The following KHNYN variants were observed in gnomAD, a reference collection of about 807,000 sequenced individuals.
The protein encoded by KHNYN is KH and NYN domain containing.
A neutral mutation model predicts 62.7 loss-of-function variants in KHNYN; 42 were observed. The observed-to-expected ratio is 0.67, with a 90% CI of 0.52 to 0.87. The LOEUF (loss-of-function observed/expected upper bound fraction) is 0.87. Ranked by LOEUF, KHNYN falls within the 40% of genes least tolerant of loss-of-function variation. KHNYN has a pLI of 0.00. For synonymous variants in KHNYN, 347 were observed against 345.6 expected (o/e 1.00, Z -0.04); for missense variants, 829 against 874.1 (o/e 0.95, Z 0.65).
At position 24,432,997 on chromosome 14, in the gene KHNYN, C is replaced by G. The variant is rs775174862; in HGVS notation, c.1542C>G (p.Val514=). The G allele has an allele frequency of 1.9e-6, 3 of 1,614,048 alleles. No individual in the cohort carries two copies. In the Admixed American group the frequency reaches 5.0e-5, roughly 27 times the overall value. ...LSLLSLTPSR[V]MDGKRISSYD... ...TGCTCTCCCTCACACCCTCACGAGT[C>G]ATGGATGGCAAGAGGATCTCCTCCT... The change falls in exon 5 of 8, where the codon GTC becomes GTG. Residue 514 remains valine (V), a synonymous_variant. Transcript: ENST00000553935. The surrounding 1 kb of genome is among the most constrained non-coding windows in gnomAD (Gnocchi z 5.6).
chr14:24,425,267 T>C (rs745817190), upstream of KHNYN, among the ~76,000 whole-genome samples: 17 of 152,198 alleles, frequency 1.1e-4, no homozygotes, highest in Non-Finnish European at 1.9e-4. Flanking sequence ...TTCTTCCTTG[T>C]TATAAAACTC....
chr14:24,439,004 A>AGGTGT lies in KHNYN; in HGVS notation c.*1721_*1725dup. On this transcript the variant is annotated 3_prime_UTR_variant, in exon 8 of 8. Coordinates refer to ENST00000553935, the MANE Select transcript of KHNYN (RefSeq NM_015299.3). ...TACCATACTGACCCAGGCTGGGGGCAGGTGTGTTGGAGACAGGCTGGTCAA... is the reference window on the plus strand; with the variant it reads ...TACCATACTGACCCAGGCTGGGGGCAGGTGTGGTGTGTTGGAGACAGGCTGGTCAA... 1 of 150,080 alleles carries AGGTGT rather than the reference A, an allele frequency of 6.7e-6. No homozygotes were observed. Among genetic ancestry groups the AGGTGT allele is most frequent in the East Asian group, 2.0e-4 (1 of 5,126 alleles). 9.3% of individuals were successfully genotyped at this position (150,080 alleles called of 1,614,324 possible).
chr14:24,434,225 T>G (rs2043170543), intron 5 of KHNYN: 1 of 985,470 alleles, frequency 1.0e-6, no homozygotes, highest in Non-Finnish European at 1.2e-6. Context: ...GTGTGGGACC[T>G]GGTTGGCAGA....
At chr14:24,427,562 C>T (rs2043032207), upstream of KHNYN, 66 of 422,056 alleles carry the variant, frequency 1.6e-4, no homozygotes, top group South Asian at 1.4e-3. The surrounding 1 kb of genome is among the most constrained non-coding windows in gnomAD (Gnocchi z 4.4). Context: ...ACAGATGCAG[C>T]AGGTGGCTGG....
rs761824521 is a variant in KHNYN at position 24,432,592 on chromosome 14, G to T, written c.1331G>T (p.Gly444Val). 1 of 1,606,890 alleles carries T rather than the reference G, an allele frequency of 6.2e-7. No homozygotes were observed. Residue 444 changes from glycine (G) to valine (V), a missense_variant, in exon 3 of 8, where the codon GGC becomes GTC. Physicochemically the swap from Gly to Val is moderately radical, Grantham distance 109. Around this residue, in one of 2 missense-constraint regions of KHNYN, gnomAD observed 270 missense variants for 347.1 expected, o/e 0.78. Coordinates refer to ENST00000553935, the MANE Select transcript of KHNYN (RefSeq NM_015299.3). This position sits in a 1 kb window ranked among gnomAD's most constrained non-coding sequence, Gnocchi z 5.6. ...GACCTCCGCCATATTGTCATTGACG[G>T]CAGCAACGTGGCCATGGTGTGAGTA... ...QPDLRHIVID[G>V]SNVAMVHGLQ...
At chr14:24,427,152 C>T (rs2043028102), upstream of KHNYN, 1 of 152,916 alleles carries the variant, frequency 6.5e-6, no homozygotes. This position sits in a 1 kb window ranked among gnomAD's most constrained non-coding sequence, Gnocchi z 4.4. Flanking sequence ...AGGATTGCTA[C>T]CTGCTGGCTG....
chr14:24,431,076 C>G (rs1427458914), intron 2 of KHNYN, 145 bp downstream of exon 2: 1 of 728,520 alleles, frequency 1.4e-6, no homozygotes, highest in Non-Finnish European at 2.2e-6. Context: ...AACCTCAGTG[C>G]CCCTGAGTTT....
At position 24,440,142 on chromosome 14, in the gene KHNYN, T is replaced by G. The variant is rs1165043671; in HGVS notation, c.*2857T>G. 6.2e-7 allele frequency: 1 copy of G among 1,613,306 alleles called. No homozygotes were observed. The highest frequency in any genetic ancestry group is 1.1e-5 in the South Asian group (1 of 91,004). On this transcript the variant is annotated 3_prime_UTR_variant, in exon 8 of 8. Transcript: ENST00000553935. The stretch of plus-strand genomic sequence containing the variant: ...TCTGGGAAGGAATACTGGTAGCCAG[T>G]GGCCAGTGTTCGCTGTGGGATCACC...
At chr14:24,429,607 C>T (rs2043067014), upstream of KHNYN, 1 of 958,706 alleles carries the variant, frequency 1.0e-6, no homozygotes, top group African/African-American at 1.8e-5. Flanking sequence ...CCCGCCTACC[C>T]CCTCCGCCAC....
upstream of KHNYN, among the ~76,000 whole-genome samples, chr14:24,424,889 A>T (rs1360476414): frequency 6.6e-6 from 1 of 152,242 alleles, no homozygotes; most frequent in African/African-American, 2.4e-5. Flanking sequence ...TCTGACCCAC[A>T]GAAACTGTGA....
chr14:24,425,609 G>A (rs2043012553), upstream of KHNYN, among the ~76,000 whole-genome samples: 1 of 152,162 alleles, frequency 6.6e-6, no homozygotes, highest in Non-Finnish European at 1.5e-5. Flanking sequence ...TTCTATGTGA[G>A]ACAAAAATGA....
chr14:24,433,139 G>A (rs1474953267), intron 5 of KHNYN, 107 bp downstream of exon 5: 6 of 1,029,090 alleles, frequency 5.8e-6, no homozygotes, highest in Admixed American at 5.6e-5. Flanking sequence ...AAGCCTTGGT[G>A]GTGGGTAAGG....
chr14:24,432,879 C>T lies in KHNYN; in HGVS notation c.1480+27C>T. The T allele has an allele frequency of 6.2e-7, 1 of 1,614,184 alleles. No individual in the cohort carries two copies. Among genetic ancestry groups the T allele is most frequent in the Admixed American group, 1.7e-5 (1 of 60,024 alleles). On this transcript the variant is annotated intron_variant, in intron 4 of 7. Coordinates refer to ENST00000553935, the MANE Select transcript of KHNYN (RefSeq NM_015299.3). The surrounding 1 kb of genome is among the most constrained non-coding windows in gnomAD (Gnocchi z 5.6). ...TGAGTTGGGCCTGGTCTTCAGTGTCCCAGGATAGGCTCTGTTTCCACTTTG... is the reference window on the plus strand; with the variant it reads ...TGAGTTGGGCCTGGTCTTCAGTGTCTCAGGATAGGCTCTGTTTCCACTTTG...
Position 24,440,695 on chromosome 14 carries a change from A to G in KHNYN, c.*3410A>G. On this transcript the variant is annotated 3_prime_UTR_variant, in exon 8 of 8. Transcript: ENST00000553935. Reference sequence around the variant, plus strand: ...AGTGGTGGCATCCTCTCACTCTGTAATTGTAATCTCAGCTCTCCTAATCCC... The same window carrying G: ...AGTGGTGGCATCCTCTCACTCTGTAGTTGTAATCTCAGCTCTCCTAATCCC... 1.3e-6 allele frequency: 2 copies of G among 1,514,694 alleles called. No individual in the cohort carries two copies. Among genetic ancestry groups the G allele is most frequent in the Non-Finnish European group, 1.8e-6 (2 of 1,108,676 alleles). The allele number at this position is 1,514,694 out of a possible 1,614,324, so 93.8% of individuals were successfully genotyped here.
rs764782006 is a variant in KHNYN at position 24,441,693 on chromosome 14, C to CT, written c.*4408_*4409insT. ...GCGTACCTACACCTGTGACTAAGAC[C>CT]CAGGCCTTGGGGGGTTGTGGGGCTT... On this transcript the variant is annotated 3_prime_UTR_variant, in exon 8 of 8. Transcript: ENST00000553935. 1.9e-6 allele frequency: 3 copies of CT among 1,589,804 alleles called. No individual in the cohort carries two copies. The highest frequency in any genetic ancestry group is 3.9e-5 in the Admixed American group (2 of 50,854).
the KHNYN span, among the ~76,000 whole-genome samples, chr14:24,424,069 C>T: frequency 6.6e-6 from 1 of 152,152 alleles, no homozygotes; most frequent in Non-Finnish European, 1.5e-5. Flanking sequence ...ACTAATATGT[C>T]AGTTTCTCTA....
Position 24,437,129 on chromosome 14 carries a change from T to C in KHNYN, c.1881T>C (p.Gly627=), listed in dbSNP as rs773385277. The C allele has an allele frequency of 6.2e-7, 1 of 1,614,172 alleles. No homozygotes were observed. Among genetic ancestry groups the C allele is most frequent in the East Asian group, 2.2e-5 (1 of 44,888 alleles). The change falls in exon 8 of 8, where the codon GGT becomes GGC. Residue 627 remains glycine, a synonymous_variant. Coordinates refer to ENST00000553935, the MANE Select transcript of KHNYN (RefSeq NM_015299.3). This position sits in a 1 kb window ranked among gnomAD's most constrained non-coding sequence, Gnocchi z 5.5. Reference sequence around the variant, plus strand: ...GGAGAGAAGAGGAAAAAGGTAGTGGTGGCATTCGGAAGACCCGGGAAACAG... The same window carrying C: ...GGAGAGAAGAGGAAAAAGGTAGTGGCGGCATTCGGAAGACCCGGGAAACAG... ...QQGREEEKGS[G]GIRKTRETER...
chr14:24,429,848 C>T, upstream of KHNYN: 1 of 1,019,044 alleles, frequency 9.8e-7, no homozygotes, highest in Non-Finnish European at 1.2e-6. Flanking sequence ...CTAGGCCGAG[C>T]GGGCCCGTCG....
In KHNYN at chr14:24,432,424, A is replaced by C; in HGVS notation, c.1163A>C (p.Lys388Thr). The change falls in exon 3 of 8, where the codon AAG (lysine) becomes ACG (threonine). Residue 388 changes from lysine to threonine, a missense_variant. Around this residue, in one of 2 missense-constraint regions of KHNYN, gnomAD observed 559 missense variants for 527.0 expected, o/e 1.06. Transcript: ENST00000553935. The surrounding 1 kb of genome is among the most constrained non-coding windows in gnomAD (Gnocchi z 5.6). ...GGAGACGTGGGGGACAGGGGAGACAAGCAGCAGGGCATGGCACGGGGTCGG... is the reference window on the plus strand; with the variant it reads ...GGAGACGTGGGGGACAGGGGAGACACGCAGCAGGGCATGGCACGGGGTCGG... ...DRGDVGDRGDKQQGMARGRGP... is the reference protein window; with the variant it reads ...DRGDVGDRGDTQQGMARGRGP... 5.0e-6 allele frequency: 8 copies of C among 1,613,532 alleles called. No homozygotes were observed. Among genetic ancestry groups the C allele is most frequent in the Non-Finnish European group, 6.8e-6 (8 of 1,179,826 alleles).
Sources: gnomAD v4.1 joint callset for allele counts (sites outside exome capture counted in the v4.1 genomes callset) on GRCh38, gnomAD v4.1.1 for gene constraint, gnomAD v4.1.1 regional missense constraint, Gnocchi (gnomAD v3.1) non-coding constraint, MANE v1.5 for transcripts, NCBI Gene and HGNC (gene_info 2026-07-23, HGNC 2026-07-21) for gene names.